ZCCHC2: variants seen among roughly 807,000 people sequenced by gnomAD.
The protein encoded by ZCCHC2 is zinc finger CCHC domain-containing protein 2.
ZCCHC2 carries 39 observed loss-of-function variants against 103.6 expected under a neutral mutation model. The ratio of observed to expected loss-of-function variants is 0.38; its 90% CI spans 0.29 to 0.49. ZCCHC2 has a LOEUF of 0.49. Among genes scored for constraint, ZCCHC2 ranks in the 20% least tolerant of loss-of-function variants. The pLI is 0.96. For missense variants in ZCCHC2, 1,483 were observed against 1,491.0 expected, an observed-to-expected ratio of 0.99 and a Z score of 0.09; for synonymous variants, 687 against 608.9, an observed-to-expected ratio of 1.13 and a Z score of -1.89.
intron 1 of ZCCHC2, among the ~76,000 whole-genome samples, chr18:62,535,489 T>C (rs1914879977): frequency 6.6e-6 from 1 of 152,198 alleles, no homozygotes; most frequent in South Asian, 2.1e-4. Flanking sequence ...GGTGAGGGAT[T>C]TAGACAAATA....
At chr18:62,566,016 G>A (rs1448348134) in intron 11 of ZCCHC2, among the ~76,000 whole-genome samples, 1 of 152,158 alleles carries the variant, frequency 6.6e-6, no homozygotes, top group Non-Finnish European at 1.5e-5. Context: ...AGGCCAAGGT[G>A]AGTGGATCAC....
Position 62,558,786 on chromosome 18 carries a change from C to G in ZCCHC2, c.1492+16C>G. 1 of 1,502,726 alleles carries G rather than the reference C, an allele frequency of 6.7e-7. No homozygotes were observed. Among genetic ancestry groups the G allele is most frequent in the Non-Finnish European group, 9.0e-7 (1 of 1,115,380 alleles). The allele number at this position is 1,502,726 out of a possible 1,614,324, so 93.1% of individuals were successfully genotyped here. A position where few individuals can be genotyped will look rare whatever the true frequency, so the allele number is the denominator to read the frequency against. On this transcript the variant is annotated intron_variant, in intron 7 of 13. Transcript: ENST00000269499. ...CAAGAAGAAGGTAAAGGTAGATTCACTAGAGTAAATCATTCTGCCTGCTGA... is the reference window on the plus strand; with the variant it reads ...CAAGAAGAAGGTAAAGGTAGATTCAGTAGAGTAAATCATTCTGCCTGCTGA...
Position 62,523,796 on chromosome 18 carries a change from G to C in ZCCHC2, c.372G>C (p.Pro124=), listed in dbSNP as rs551740182. The C allele has an allele frequency of 6.5e-7, 1 of 1,541,832 alleles. No homozygotes were observed. The highest frequency in any genetic ancestry group is 8.7e-7 in the Non-Finnish European group (1 of 1,146,112). ...GCGGGCTGCTGGACCTGTGCAACCCGCTGGAGCTGCGCTTCCTTGGCTCGT... is the reference window on the plus strand; with the variant it reads ...GCGGGCTGCTGGACCTGTGCAACCCCCTGGAGCTGCGCTTCCTTGGCTCGT... ...FMCGLLDLCN[P]LELRFLGSCL... is the part of the protein sequence containing the mutation. The change falls in exon 1 of 14, where the codon CCG becomes CCC. Residue 124 remains proline (P), a synonymous_variant. Transcript: ENST00000269499.
At chr18:62,529,056 A>T (rs1359133657) in intron 1 of ZCCHC2, among the ~76,000 whole-genome samples, 1 of 149,230 alleles carries the variant, frequency 6.7e-6, no homozygotes, top group Non-Finnish European at 1.5e-5. Flanking sequence ...GCTGCACAGG[A>T]GGCTGAGACA....
chr18:62,523,775 G>A lies in ZCCHC2; in HGVS notation c.351G>A (p.Gly117=), dbSNP rs1914188703. Residue 117 remains glycine (G), a synonymous_variant, in exon 1 of 14, where the codon GGG becomes GGA. Transcript: ENST00000269499. ...CGCAGCGCCTGGAGTTCATGTGCGG[G>A]CTGCTGGACCTGTGCAACCCGCTGG... ...GSAQRLEFMC[G]LLDLCNPLEL... 8 of 1,537,192 alleles carry A rather than the reference G, an allele frequency of 5.2e-6. No individual in the cohort carries two copies. The highest frequency in any genetic ancestry group is 7.0e-6 in the Non-Finnish European group (8 of 1,145,686).
downstream of ZCCHC2, among the ~76,000 whole-genome samples, chr18:62,580,022 C>T (rs1167243520): frequency 7.2e-5 from 11 of 152,166 alleles, no homozygotes; most frequent in Admixed American, 4.6e-4. Flanking sequence ...TTAGCCACTG[C>T]GCCCGGCCTT....
chr18:62,557,338 C>T (rs1478194571), intron 6 of ZCCHC2, among the ~76,000 whole-genome samples: 2 of 152,170 alleles, frequency 1.3e-5, no homozygotes, highest in Non-Finnish European at 2.9e-5. Flanking sequence ...TCCCTCTGCT[C>T]TCAAGAGAGT....
chr18:62,550,037 A>G (rs1335864151), intron 4 of ZCCHC2, among the ~76,000 whole-genome samples: 1 of 152,212 alleles, frequency 6.6e-6, no homozygotes. Flanking sequence ...GTGTCATTTC[A>G]GTGTGGTATG....
rs114303256 is a variant in ZCCHC2 at position 62,545,107 on chromosome 18, C to T, written c.1200+234C>T. The stretch of plus-strand genomic sequence containing the variant: ...TTCTACATTTAAAAAAAATGGAGAC[C>T]GGGTGCGGTGGTGTGCACCTGTGAT... On this transcript the variant is annotated intron_variant, in intron 4 of 13. Transcript: ENST00000269499. Among the ~76,000 whole-genome samples, 1,071 of 152,096 alleles carry T rather than the reference C, an allele frequency of 7.0e-3. 11 individuals carry two copies. Among genetic ancestry groups the T allele is most frequent in the African/African-American group, 0.024 (983 of 41,482 alleles).
At chr18:62,561,583 C>CA (rs1916120297) in intron 8 of ZCCHC2, among the ~76,000 whole-genome samples, 1 of 152,206 alleles carries the variant, frequency 6.6e-6, no homozygotes, top group African/African-American at 2.4e-5. Context: ...TTCCAGCCTC[C>CA]ACTGTGGACT....
At chr18:62,549,607 CTG>C (rs1004580498) in intron 4 of ZCCHC2, among the ~76,000 whole-genome samples, 1 of 152,186 alleles carries the variant, frequency 6.6e-6, no homozygotes, top group Non-Finnish European at 1.5e-5. Flanking sequence ...AAATTTAAAA[CTG>C]AATTTTTCAA....
chr18:62,550,929 T>A (rs184179481), intron 5 of ZCCHC2, among the ~76,000 whole-genome samples: 1 of 152,154 alleles, frequency 6.6e-6, no homozygotes, highest in Non-Finnish European at 1.5e-5. Flanking sequence ...CGTAAGGTTG[T>A]TGGGCTTGTT....
chr18:62,533,615 C>T (rs994793936), intron 1 of ZCCHC2, among the ~76,000 whole-genome samples: 1 of 151,924 alleles, frequency 6.6e-6, no homozygotes, highest in Non-Finnish European at 1.5e-5. Flanking sequence ...GCCTGTAAAC[C>T]CAGCACTTTG....
In ZCCHC2 at chr18:62,576,519, C is replaced by T. The variant is rs761712464; in HGVS notation, c.3477C>T (p.Tyr1159=). The T allele has an allele frequency of 6.2e-7, 1 of 1,613,480 alleles. No individual in the cohort carries two copies. The highest frequency in any genetic ancestry group is 1.7e-5 in the Admixed American group (1 of 59,986). Residue 1159 remains tyrosine (Y), a synonymous_variant, in exon 14 of 14, where the codon TAC becomes TAT. Transcript: ENST00000269499. ...CTGTCTTTCCCATTTTAGGCACTTA[C>T]AGACTGAGATACGCACCTCCCCTCC... ...SSMEANQQGT[Y]RLRYAPPLPP...
chr18:62,571,133 A>C (rs1222530902), intron 12 of ZCCHC2, among the ~76,000 whole-genome samples: 1 of 152,232 alleles, frequency 6.6e-6, no homozygotes, highest in African/African-American at 2.4e-5. Flanking sequence ...CTACATTTTT[A>C]AACAGTTGCT....
At chr18:62,547,185 G>A (rs140546519) in intron 4 of ZCCHC2, among the ~76,000 whole-genome samples, 1,550 of 152,104 alleles carry the variant, frequency 0.01, 29 homozygotes, top group African/African-American at 0.035. Flanking sequence ...AATTAGCCAG[G>A]CATGGTGGCG....
chr18:62,536,807 C>T (rs561565582), intron 1 of ZCCHC2, among the ~76,000 whole-genome samples: 10 of 152,282 alleles, frequency 6.6e-5, no homozygotes, highest in Non-Finnish European at 1.2e-4. Context: ...GATAGAAACT[C>T]AAACTTCATT....
intron 6 of ZCCHC2, among the ~76,000 whole-genome samples, chr18:62,556,898 A>C (rs571180798): frequency 6.6e-6 from 1 of 152,188 alleles, no homozygotes; most frequent in African/African-American, 2.4e-5. Flanking sequence ...ACAAGGATAA[A>C]TGTGTTAAAT....
At chr18:62,536,799 T>C (rs1914947345) in intron 1 of ZCCHC2, among the ~76,000 whole-genome samples, 2 of 152,218 alleles carry the variant, frequency 1.3e-5, no homozygotes, top group Non-Finnish European at 2.9e-5. Context: ...GGACTTTGGA[T>C]AGAAACTCAA....
Sources: gnomAD v4.1 joint callset for allele counts (sites outside exome capture counted in the v4.1 genomes callset) on GRCh38, gnomAD v4.1.1 for gene constraint, MANE v1.5 for transcripts, NCBI Gene and HGNC (gene_info 2026-07-23, HGNC 2026-07-21) for gene names.